Variants in CACNA1C observed in about 807,000 individuals in gnomAD.
CACNA1C encodes calcium voltage-gated channel subunit alpha1 C, also known as voltage-dependent L-type calcium channel subunit alpha-1C.
Under a neutral mutation model 229.0 loss-of-function variants are expected in CACNA1C, and 30 were observed. The ratio of observed to expected loss-of-function variants is 0.13; its 90% confidence interval spans 0.10 to 0.18. The LOEUF (loss-of-function observed/expected upper bound fraction) is 0.18, where lower values mean the gene tolerates loss of function less well. Among genes scored for constraint, CACNA1C ranks in the 10% least tolerant of loss-of-function variants. CACNA1C has a pLI of 1.00. For missense variants in CACNA1C, 1,658 were observed against 2,845.0 expected, an observed-to-expected ratio of 0.58 and a Z score of 9.49; for synonymous variants, 1,114 against 1,132.5, an observed-to-expected ratio of 0.98 and a Z score of 0.33.
intron 3 of CACNA1C, among the ~76,000 whole-genome samples, chr12:2,241,048 G>A (rs1248635675): frequency 6.6e-6 from 1 of 152,124 alleles, no homozygotes; most frequent in Non-Finnish European, 1.5e-5. Flanking sequence ...GCCAGAGTGA[G>A]CCAAGGTTTA....
chr12:2,496,884 G>C (rs901175126), intron 7 of CACNA1C, among the ~76,000 whole-genome samples: 1 of 152,156 alleles, frequency 6.6e-6, no homozygotes, highest in Non-Finnish European at 1.5e-5. Context: ...TAAGCCAAAG[G>C]CTCATCCTTT....
chr12:2,238,088 G>T (rs1299353760), intron 3 of CACNA1C, among the ~76,000 whole-genome samples: 1 of 152,200 alleles, frequency 6.6e-6, no homozygotes, highest in Non-Finnish European at 1.5e-5. Context: ...CTTTGTTCTA[G>T]CCTTCGTCGT....
chr12:2,653,993 T>C lies in CACNA1C; in HGVS notation c.4140+93T>C, dbSNP rs955373202. The C allele has an allele frequency of 1.4e-5, 14 of 1,003,360 alleles. No individual in the cohort carries two copies. Among genetic ancestry groups the C allele is most frequent in the African/African-American group, 1.1e-4 (7 of 63,274 alleles). The allele number at this position is 1,003,360 out of a possible 1,614,324, so 62.2% of individuals were successfully genotyped here. On this transcript the variant is annotated intron_variant, in intron 33 of 46. Transcript: ENST00000399655. This position sits in a 1 kb window ranked among gnomAD's most constrained non-coding sequence, Gnocchi z 4.7. ...TTCCCTAACGCCTTCCTCCCTCCCT[T>C]CTCCCTTTCATTCCTGACTGTCCCT...
At chr12:2,079,548 A>G (rs2064641503) in intron 1 of CACNA1C, among the ~76,000 whole-genome samples, 1 of 152,158 alleles carries the variant, frequency 6.6e-6, no homozygotes. Flanking sequence ...AATCCCACTC[A>G]TGAGGAACCA....
At chr12:2,199,328 A>T (rs1262828149) in intron 3 of CACNA1C, among the ~76,000 whole-genome samples, 2 of 152,182 alleles carry the variant, frequency 1.3e-5, no homozygotes, top group African/African-American at 4.8e-5. Context: ...AGATGGCAAG[A>T]CCAACCCCTC....
chr12:2,163,321 A>G (rs1566073165), intron 3 of CACNA1C, among the ~76,000 whole-genome samples: 1 of 152,028 alleles, frequency 6.6e-6, no homozygotes, highest in Non-Finnish European at 1.5e-5. Context: ...CAGTATTCGT[A>G]TTCTCACTTC....
chr12:2,337,485 C>T (rs146133152), intron 3 of CACNA1C, among the ~76,000 whole-genome samples: 4 of 152,294 alleles, frequency 2.6e-5, no homozygotes, highest in Non-Finnish European at 5.9e-5. Flanking sequence ...TTGTGTTTTT[C>T]GCTGGTGTTT....
chr12:2,688,810 A>C, intron 46 of CACNA1C, 31 bp downstream of exon 46: 1 of 1,447,408 alleles, frequency 6.9e-7, no homozygotes, highest in South Asian at 1.4e-5. Context: ...CAGGGGGGAG[A>C]GGCCACGGGC....
chr12:2,342,409 C>T (rs995715074), intron 3 of CACNA1C, among the ~76,000 whole-genome samples: 3 of 152,206 alleles, frequency 2.0e-5, no homozygotes, highest in Non-Finnish European at 2.9e-5. Context: ...GGCATTCATT[C>T]ATCCTCTTCC....
intron 3 of CACNA1C, among the ~76,000 whole-genome samples, chr12:2,155,590 T>C (rs1457622500): frequency 6.6e-6 from 1 of 152,184 alleles, no homozygotes; most frequent in Non-Finnish European, 1.5e-5. Flanking sequence ...GTTACCAGTT[T>C]TAGAGCCTCA....
chr12:2,021,873 A>C (rs1406628650), intron 1 of CACNA1C, among the ~76,000 whole-genome samples: 1 of 152,178 alleles, frequency 6.6e-6, no homozygotes, highest in Non-Finnish European at 1.5e-5. Flanking sequence ...CACCTCTAAA[A>C]GGCTCCACCT....
At chr12:2,406,874 C>G (rs2098743290) in intron 3 of CACNA1C, among the ~76,000 whole-genome samples, 1 of 152,228 alleles carries the variant, frequency 6.6e-6, no homozygotes, top group South Asian at 2.1e-4. Flanking sequence ...TTATGCAGCT[C>G]CGGATGTTAT....
chr12:2,088,060 G>A (rs1248930376), intron 1 of CACNA1C, among the ~76,000 whole-genome samples: 2 of 152,176 alleles, frequency 1.3e-5, no homozygotes, highest in Admixed American at 6.5e-5. Context: ...GTGGGAATGG[G>A]AACAGGATGA....
rs545655363 is a variant in CACNA1C at position 2,428,558 on chromosome 12, G to A, written c.478-20418G>A. ...TGCCCCGTGTGTGTGGCATCTCAAA[G>A]GCGGGGAGCTTTGCTCACTCTGAAA... On this transcript the variant is annotated intron_variant, in intron 3 of 46. Coordinates refer to ENST00000399655, the MANE Select transcript of CACNA1C (RefSeq NM_000719.7). Among the ~76,000 whole-genome samples the A allele has an allele frequency of 2.6e-5, 4 of 152,326 alleles. No homozygotes were observed. The South Asian group carries it at 8.3e-4, about 32-fold the overall frequency.
At chr12:2,297,887 C>T (rs1318901630) in intron 3 of CACNA1C, among the ~76,000 whole-genome samples, 1 of 152,172 alleles carries the variant, frequency 6.6e-6, no homozygotes, top group Non-Finnish European at 1.5e-5. Context: ...CACACACACA[C>T]ACACGTGTGC....
intron 34 of CACNA1C, among the ~76,000 whole-genome samples, chr12:2,655,792 G>A (rs1335560658): frequency 6.6e-6 from 1 of 152,146 alleles, no homozygotes; most frequent in African/African-American, 2.4e-5. Flanking sequence ...TTCAACATAT[G>A]CACATCAATA....
At chr12:2,612,357 A>C in intron 29 of CACNA1C, 1 of 189,494 alleles carries the variant, frequency 5.3e-6, no homozygotes, top group Non-Finnish European at 1.1e-5. Context: ...AGAAGAAACT[A>C]TGCTCATAGA....
chr12:2,364,497 T>C (rs1438890809), intron 3 of CACNA1C, among the ~76,000 whole-genome samples: 1 of 152,100 alleles, frequency 6.6e-6, no homozygotes, highest in Admixed American at 6.5e-5. Context: ...GAACTTAAGT[T>C]ATGTTGTGGA....
At chr12:2,189,018 A>G (rs1272717867) in intron 3 of CACNA1C, among the ~76,000 whole-genome samples, 1 of 145,314 alleles carries the variant, frequency 6.9e-6, no homozygotes, top group Non-Finnish European at 1.5e-5. Flanking sequence ...GTGTGAACCC[A>G]GGAGGCGGAG....
Sources: gnomAD v4.1 joint callset for allele counts (sites outside exome capture counted in the v4.1 genomes callset) on GRCh38, gnomAD v4.1.1 for gene constraint, Gnocchi (gnomAD v3.1) non-coding constraint, MANE v1.5 for transcripts, NCBI Gene and HGNC (gene_info 2026-07-23, HGNC 2026-07-21) for gene names.